Variants in SLC8A1 observed in about 807,000 individuals in gnomAD.
SLC8A1 encodes the protein solute carrier family 8 member A1, also known as sodium/calcium exchanger 1.
In SLC8A1, 18 loss-of-function variants were observed where a neutral mutation model predicts 68.3. That is an observed-to-expected ratio of 0.26 (90% confidence interval 0.18 to 0.39). The LOEUF (loss-of-function observed/expected upper bound fraction) is 0.39. Ranked by LOEUF, SLC8A1 falls within the 10% of genes least tolerant of loss-of-function variation. The pLI is 1.00. For missense variants in SLC8A1, 985 were observed against 1,156.7 expected, an observed-to-expected ratio of 0.85 and a Z score of 2.15; for synonymous variants, 475 against 415.5, an observed-to-expected ratio of 1.14 and a Z score of -1.74.
At chr2:40,271,554 T>C (rs2066030519) in intron 2 of SLC8A1, among the ~76,000 whole-genome samples, 1 of 152,160 alleles carries the variant, frequency 6.6e-6, no homozygotes, top group Non-Finnish European at 1.5e-5. Context: ...ACATTATACA[T>C]TGATTTGTTT....
At chr2:40,499,131 A>G (rs893672037) in intron 1 of SLC8A1, among the ~76,000 whole-genome samples, 1 of 152,060 alleles carries the variant, frequency 6.6e-6, no homozygotes, top group African/African-American at 2.4e-5. Flanking sequence ...TGGAAGAAGA[A>G]TCATGTTATA....
intron 1 of SLC8A1, among the ~76,000 whole-genome samples, chr2:40,496,544 T>C (rs1046439671): frequency 2.0e-5 from 3 of 152,002 alleles, no homozygotes; most frequent in Non-Finnish European, 4.4e-5. Context: ...CTGAGGATAT[T>C]TGTGCATATT....
chr2:40,131,415 T>C (rs1039199309), intron 7 of SLC8A1, among the ~76,000 whole-genome samples: 1 of 152,216 alleles, frequency 6.6e-6, no homozygotes, highest in African/African-American at 2.4e-5. Context: ...GAAGAAATGA[T>C]GGAATTAATC....
chr2:40,129,376 G>A (rs2038853465), intron 7 of SLC8A1, among the ~76,000 whole-genome samples: 1 of 148,550 alleles, frequency 6.7e-6, no homozygotes, highest in African/African-American at 2.5e-5. Context: ...GACAACAGGT[G>A]CATACCACCA....
At chr2:40,449,702 A>T (rs1248977559) in intron 1 of SLC8A1, among the ~76,000 whole-genome samples, 1 of 152,212 alleles carries the variant, frequency 6.6e-6, no homozygotes, top group African/African-American at 2.4e-5. Context: ...AGATAGATAC[A>T]TAGAAAATAA....
At chr2:40,148,361 C>T (rs988673856) in intron 6 of SLC8A1, among the ~76,000 whole-genome samples, 8 of 152,158 alleles carry the variant, frequency 5.3e-5, no homozygotes, top group Admixed American at 1.3e-4. Context: ...ATGGAAAGGA[C>T]GCTGGCTCTA....
intron 2 of SLC8A1, among the ~76,000 whole-genome samples, chr2:40,188,347 T>G (rs183981298): frequency 1.9e-4 from 29 of 152,352 alleles, no homozygotes; most frequent in African/African-American, 6.7e-4. Flanking sequence ...AAAGAGCATC[T>G]TTTCTAGAAA....
At chr2:40,488,591 T>C (rs1705118558) in intron 1 of SLC8A1, among the ~76,000 whole-genome samples, 2 of 152,034 alleles carry the variant, frequency 1.3e-5, no homozygotes, top group African/African-American at 4.8e-5. Context: ...ACCAACTCCA[T>C]GTGTGTTTAA....
intron 2 of SLC8A1, among the ~76,000 whole-genome samples, chr2:40,326,582 C>T (rs1400323913): frequency 1.3e-5 from 2 of 152,178 alleles, no homozygotes; most frequent in Admixed American, 1.3e-4. Context: ...CTATCCTCTT[C>T]CTCTCTTTCT....
chr2:40,285,876 A>G (rs1575076028), intron 2 of SLC8A1, among the ~76,000 whole-genome samples: 1 of 152,168 alleles, frequency 6.6e-6, no homozygotes, highest in Admixed American at 6.6e-5. Context: ...TCTTTCTTTC[A>G]TGTTGTTTAA....
At chr2:40,263,179 C>G (rs1470127663) in intron 2 of SLC8A1, among the ~76,000 whole-genome samples, 1 of 152,164 alleles carries the variant, frequency 6.6e-6, no homozygotes, top group Non-Finnish European at 1.5e-5. Flanking sequence ...CTGGTTGATT[C>G]AAGAGGAAGT....
At chr2:40,114,150 A>G (rs552364959) in exon 8 of SLC8A1, 1 of 152,846 alleles carries the variant, frequency 6.5e-6, no homozygotes, top group Non-Finnish European at 1.5e-5. Flanking sequence ...GTTTTGTTTT[A>G]TTTGTTTTTC....
chr2:40,184,172 GT>G (rs2050184829), intron 2 of SLC8A1, among the ~76,000 whole-genome samples: 1 of 152,080 alleles, frequency 6.6e-6, no homozygotes. Flanking sequence ...GTGAGACACT[GT>G]CTCAATCAAT....
chr2:40,184,617 ACT>A (rs1164677345), intron 2 of SLC8A1, among the ~76,000 whole-genome samples: 1 of 152,118 alleles, frequency 6.6e-6, no homozygotes, highest in East Asian at 1.9e-4. Flanking sequence ...AAGTAGACAA[ACT>A]AAGCATTTCA....
At chr2:40,498,489 T>C (rs1705852315) in intron 1 of SLC8A1, among the ~76,000 whole-genome samples, 2 of 152,124 alleles carry the variant, frequency 1.3e-5, no homozygotes, top group East Asian at 1.9e-4. Context: ...TTCATAAGCT[T>C]TAGGGATCTA....
chr2:40,499,907 T>C (rs552480773), intron 1 of SLC8A1, among the ~76,000 whole-genome samples: 112 of 152,066 alleles, frequency 7.4e-4, no homozygotes, highest in Non-Finnish European at 1.4e-3. Flanking sequence ...TTCTCGGGTA[T>C]AAACTGAAGT....
chr2:40,122,207 CACACACACACACACACACGTGT>C (rs2037021265), intron 7 of SLC8A1, among the ~76,000 whole-genome samples: 3 of 118,136 alleles, frequency 2.5e-5, no homozygotes, highest in East Asian at 2.2e-4. Flanking sequence ...TGCGCGCGCG[CACACACACACACACACACGTGT>C]GCGCGCGCAC....
In SLC8A1 at chr2:40,377,408, T is replaced by C. The variant is rs187540195; in HGVS notation, c.1808+51065A>G. ...GAGCCCAGTTAAACACTGCATGGTCTTCTAATCCATGGAAACTGAGATAAC... is the reference window on the plus strand; with the variant it reads ...GAGCCCAGTTAAACACTGCATGGTCCTCTAATCCATGGAAACTGAGATAAC... On this transcript the variant is annotated intron_variant, in intron 2 of 7. Transcript: ENST00000406785. Among the ~76,000 whole-genome samples the C allele has an allele frequency of 3.6e-3, 544 of 152,246 alleles. 9 individuals carry two copies. The highest frequency in any genetic ancestry group is 3.4e-3 in the Middle Eastern group (1 of 294).
At chr2:40,273,285 G>T (rs1243365563) in intron 2 of SLC8A1, among the ~76,000 whole-genome samples, 2 of 151,742 alleles carry the variant, frequency 1.3e-5, no homozygotes, top group Non-Finnish European at 2.9e-5. Context: ...TAGAGACGGG[G>T]TTTCTTCATG....
Sources: allele counts gnomAD v4.1 joint callset (sites outside exome capture counted in the v4.1 genomes callset), GRCh38; gene constraint gnomAD v4.1.1; transcripts MANE v1.5; gene names NCBI Gene and HGNC (gene_info 2026-07-23, HGNC 2026-07-21).